Variants in USP9X observed in about 807,000 individuals in gnomAD.
USP9X encodes ubiquitin specific peptidase 9 X-linked, also known as ubiquitin carboxyl-terminal hydrolase 9X.
A neutral mutation model predicts 190.3 loss-of-function variants in USP9X; 7 were observed. The ratio of observed to expected loss-of-function variants is 0.04; its 90% CI spans 0.02 to 0.07. The LOEUF (loss-of-function observed/expected upper bound fraction) is 0.07. Among genes scored for constraint, USP9X ranks in the 10% least tolerant of loss-of-function variants. The pLI, the probability that USP9X is intolerant of heterozygous loss-of-function variation, is 1.00. For missense variants in USP9X, 1,010 were observed against 1,916.9 expected (o/e 0.53, Z 8.83); for synonymous variants, 645 against 659.5 (o/e 0.98, Z 0.34).
chrX:41,139,195 T>C (rs1198053645), intron 6 of USP9X, among the ~76,000 whole-genome samples: 3 of 112,483 alleles, frequency 2.7e-5, no homozygotes, highest in African/African-American at 9.7e-5. Flanking sequence ...GCATGTACTT[T>C]CTTACAATTG....
chrX:41,191,563 G>A (rs1416377815), intron 26 of USP9X, among the ~76,000 whole-genome samples: 1 of 111,379 alleles, frequency 9.0e-6, no homozygotes, highest in Non-Finnish European at 1.9e-5. Context: ...GACTAACAAG[G>A]GCATAATGAT....
chrX:41,179,856 A>G (rs1338012574), intron 21 of USP9X, among the ~76,000 whole-genome samples: 1 of 111,580 alleles, frequency 9.0e-6, no homozygotes, highest in Non-Finnish European at 1.9e-5. Context: ...CCTTGCCTTC[A>G]CAACAACTAA....
chrX:41,174,250 A>G (rs1207579132), intron 21 of USP9X, among the ~76,000 whole-genome samples: 2 of 112,023 alleles, frequency 1.8e-5, no homozygotes, highest in East Asian at 5.6e-4. Context: ...ATACAGGAAG[A>G]TGTGCATCGG....
At chrX:41,208,498 C>T (rs2063126524) in intron 32 of USP9X, among the ~76,000 whole-genome samples, 1 of 111,681 alleles carries the variant, frequency 9.0e-6, no homozygotes, top group African/African-American at 3.3e-5. Flanking sequence ...TTGACACAAG[C>T]GGGTTAGTTA....
At chrX:41,217,084 A>G (rs2063219326) in intron 35 of USP9X, 136 bp from the exon 36 acceptor site, 4 of 668,078 alleles carry the variant, frequency 6.0e-6, no homozygotes, top group African/African-American at 4.6e-5. Context: ...AAAAAAATAA[A>G]TGGGTCTAAA....
chrX:41,089,903 GTTTTT>G lies in USP9X; in HGVS notation c.-159+3818_-159+3822del, dbSNP rs139093155. On this transcript the variant is annotated intron_variant, in intron 1 of 44. Transcript: ENST00000378308. ...CTATAGGAGTTTAGGATCTATGAGG[GTTTTT>G]TTTTTTTTTTTTTTTTTTTTTTTGA... Among the ~76,000 whole-genome samples the G allele has an allele frequency of 4.9e-4, 15 of 30,358 alleles. 1 individual carries two copies. Among genetic ancestry groups the G allele is most frequent in the East Asian group, 4.5e-3 (4 of 889 alleles). 26.4% of individuals were successfully genotyped at this position (30,358 alleles called of 115,157 possible).
intron 1 of USP9X, among the ~76,000 whole-genome samples, chrX:41,099,395 C>T (rs1028690002): frequency 3.6e-5 from 4 of 110,823 alleles, no homozygotes; most frequent in Non-Finnish European, 5.7e-5. Flanking sequence ...TCAATACTGC[C>T]AAACAGATTT....
intron 43 of USP9X, 83 bp downstream of exon 43, chrX:41,229,862 T>G: frequency 8.6e-7 from 1 of 1,168,470 alleles, no homozygotes; most frequent in Non-Finnish European, 1.1e-6. Context: ...TGTTTATGTA[T>G]TAATGATATT....
intron 1 of USP9X, among the ~76,000 whole-genome samples, chrX:41,086,795 G>T (rs980053898): frequency 8.9e-6 from 1 of 112,671 alleles, no homozygotes; most frequent in Non-Finnish European, 1.9e-5. Context: ...AGCTAGCTTG[G>T]ACCTATTACC....
At position 41,223,450 on chromosome X, in the gene USP9X, G is replaced by A. The variant is rs941707742; in HGVS notation, c.6751+48G>A. 11 of 1,163,920 alleles carry A rather than the reference G, an allele frequency of 9.5e-6. No individual in the cohort carries two copies. In the African/African-American group the frequency reaches 1.6e-4, roughly 17 times the overall value. On this transcript the variant is annotated intron_variant, in intron 39 of 44. Coordinates refer to ENST00000378308, the MANE Select transcript of USP9X (RefSeq NM_001039591.3). Reference sequence around the variant, plus strand: ...TTACACTAGTTTTGTTTGTTTGTTTGTTTTGAGACAGAGTTTTGCTGTTGT... The same window carrying A: ...TTACACTAGTTTTGTTTGTTTGTTTATTTTGAGACAGAGTTTTGCTGTTGT...
intron 1 of USP9X, among the ~76,000 whole-genome samples, chrX:41,091,925 T>C (rs550834150): frequency 2.2e-4 from 25 of 112,350 alleles, no homozygotes; most frequent in African/African-American, 7.1e-4. Context: ...TTCTGTCCTT[T>C]ACCTTTGTAT....
chrX:41,143,767 CA>C (rs1003823515), intron 10 of USP9X, among the ~76,000 whole-genome samples: 9 of 111,560 alleles, frequency 8.1e-5, no homozygotes, highest in African/African-American at 2.9e-4. Flanking sequence ...TAATAGAAAG[CA>C]AAAACCTCCA....
rs2061905210 is a variant in USP9X, at chrX:41,085,822, G to T, written c.-446G>T. On this transcript the variant is annotated 5_prime_UTR_variant, in exon 1 of 45. Coordinates refer to ENST00000378308, the MANE Select transcript of USP9X (RefSeq NM_001039591.3). ...CGCCCGGAGCCCGTCTGAGCTCAGCGAGAGCCCCAGCCTGAGGGGAGAAGG... is the reference window on the plus strand; with the variant it reads ...CGCCCGGAGCCCGTCTGAGCTCAGCTAGAGCCCCAGCCTGAGGGGAGAAGG... 1 of 298,638 alleles carries T rather than the reference G, an allele frequency of 3.3e-6. No individual in the cohort carries two copies. Among genetic ancestry groups the T allele is most frequent in the East Asian group, 4.7e-5 (1 of 21,068 alleles). The allele number at this position is 298,638 out of a possible 1,213,427, so 24.6% of individuals were successfully genotyped here.
chrX:41,137,164 C>G, intron 6 of USP9X, 142 bp downstream of exon 6: 2 of 548,073 alleles, frequency 3.6e-6, no homozygotes, highest in Non-Finnish European at 5.7e-6. Flanking sequence ...TTTTTCGTAG[C>G]TTTGTCGTTC....
chrX:41,208,465 C>T, intron 32 of USP9X, among the ~76,000 whole-genome samples: 1 of 112,058 alleles, frequency 8.9e-6, no homozygotes, highest in Non-Finnish European at 1.9e-5. Context: ...GGATTATCCA[C>T]ACTTTAGACA....
intron 21 of USP9X, among the ~76,000 whole-genome samples, chrX:41,178,084 CTTTTTTTTTTTTTTTTT>C (rs758055868): frequency 2.9e-5 from 1 of 34,294 alleles, no homozygotes; most frequent in Non-Finnish European, 4.9e-5. Flanking sequence ...AGGTTTAAAT[CTTTTTTTTTTTTTTTTT>C]TTTTTTTTTT....
chrX:41,111,591 T>C (rs190669870), intron 1 of USP9X, among the ~76,000 whole-genome samples: 53 of 111,624 alleles, frequency 4.7e-4, no homozygotes, highest in African/African-American at 1.6e-3. Flanking sequence ...ATGTGAGTAC[T>C]TGATGAATCC....
At chrX:41,206,941 A>G (rs2063103628) in intron 32 of USP9X, among the ~76,000 whole-genome samples, 1 of 107,766 alleles carries the variant, frequency 9.3e-6, no homozygotes, top group Non-Finnish European at 1.9e-5. Context: ...TGGGCCAACC[A>G]TGCCCGGCCA....
intron 1 of USP9X, among the ~76,000 whole-genome samples, chrX:41,118,477 A>T: frequency 8.9e-6 from 1 of 112,089 alleles, no homozygotes; most frequent in Admixed American, 9.4e-5. Context: ...TTTTTAAAAA[A>T]TACTAAATAA....
Sources: gnomAD v4.1 joint callset for allele counts (sites outside exome capture counted in the v4.1 genomes callset) on GRCh38, gnomAD v4.1.1 for gene constraint, MANE v1.5 for transcripts, NCBI Gene and HGNC (gene_info 2026-07-23, HGNC 2026-07-21) for gene names.